Variants in MARCHF1 observed in about 807,000 individuals in gnomAD.
MARCHF1 encodes the protein membrane associated ring-CH-type finger 1.
In MARCHF1, 40 loss-of-function variants were observed where a neutral mutation model predicts 54.2. That is an observed-to-expected ratio of 0.74 (90% CI 0.57 to 0.96). MARCHF1 has a LOEUF of 0.96. MARCHF1 is among the 40% of genes least tolerant of loss of function. MARCHF1 has a pLI of 0.00. For synonymous variants in MARCHF1, 236 were observed against 236.3 expected (o/e 1.00, Z 0.01); for missense variants, 586 against 656.5 (o/e 0.89, Z 1.17).
chr4:163,716,682 C>G lies in MARCHF1; in HGVS notation c.112-15819G>C, dbSNP rs558794068. Among the ~76,000 whole-genome samples, 34 of 152,300 alleles carry G rather than the reference C, an allele frequency of 2.2e-4. No individual in the cohort carries two copies. In the South Asian group the frequency reaches 6.8e-3, roughly 31 times the overall value. On this transcript the variant is annotated intron_variant, in intron 4 of 9. Coordinates refer to ENST00000514618, the MANE Select transcript of MARCHF1 (RefSeq NM_001394959.1). ...GTGCTTCAGGGACCAGTGCCAAAAT[C>G]ACCAGTGGGCAGCTGGCAGGGTTGG...
chr4:163,600,672 C>T (rs1257333691), intron 7 of MARCHF1, among the ~76,000 whole-genome samples: 1 of 151,958 alleles, frequency 6.6e-6, no homozygotes, highest in African/African-American at 2.4e-5. Context: ...TGGTTACACC[C>T]CCAGAGAGTC....
At chr4:164,210,290 T>C (rs780893635) in intron 1 of MARCHF1, among the ~76,000 whole-genome samples, 48 of 152,286 alleles carry the variant, frequency 3.2e-4, no homozygotes, top group Admixed American at 2.3e-3. Flanking sequence ...AAGAACATTT[T>C]AGAGGTAAAA....
intron 4 of MARCHF1, among the ~76,000 whole-genome samples, chr4:163,799,237 C>G (rs1260756441): frequency 6.6e-6 from 1 of 152,086 alleles, no homozygotes; most frequent in Admixed American, 6.6e-5. Context: ...TTCAGTATCA[C>G]AGAGACTAGC....
intron 7 of MARCHF1, among the ~76,000 whole-genome samples, chr4:163,602,602 G>A (rs9993412): frequency 1.4e-3 from 207 of 152,110 alleles, no homozygotes; most frequent in African/African-American, 4.9e-3. Flanking sequence ...GAGAATGGTT[G>A]GTCTTTGTTC....
intron 4 of MARCHF1, among the ~76,000 whole-genome samples, chr4:163,789,249 C>T (rs11100516): frequency 0.79 from 119,902 of 151,926 alleles, 49,413 homozygotes; most frequent in East Asian, 0.94. Context: ...GAAATACAAG[C>T]GACTTAAAGA....
chr4:163,640,554 G>A (rs1217470992), intron 5 of MARCHF1, among the ~76,000 whole-genome samples: 1 of 152,078 alleles, frequency 6.6e-6, no homozygotes, highest in Non-Finnish European at 1.5e-5. Flanking sequence ...TCACTACTAT[G>A]GACCATAGCC....
intron 7 of MARCHF1, among the ~76,000 whole-genome samples, chr4:163,603,001 C>T (rs2320897): frequency 0.29 from 44,636 of 151,696 alleles, 7,393 homozygotes; most frequent in Middle Eastern, 0.38. Flanking sequence ...ATGAGGCTGC[C>T]CCAGGAAATA....
chr4:164,111,957 A>G (rs1250677269), intron 1 of MARCHF1, among the ~76,000 whole-genome samples: 2 of 151,850 alleles, frequency 1.3e-5, no homozygotes, highest in Non-Finnish European at 3.0e-5. Flanking sequence ...GGCATAAGAT[A>G]AGAAGGGTTA....
At chr4:164,311,768 CTT>C (rs1734855902) in intron 1 of MARCHF1, among the ~76,000 whole-genome samples, 1 of 152,136 alleles carries the variant, frequency 6.6e-6, no homozygotes, top group South Asian at 2.1e-4. Flanking sequence ...TCACATAAGA[CTT>C]AATTATTTGC....
intron 4 of MARCHF1, among the ~76,000 whole-genome samples, chr4:163,711,825 T>C (rs957963128): frequency 6.6e-6 from 1 of 152,230 alleles, no homozygotes; most frequent in African/African-American, 2.4e-5. Flanking sequence ...GCAAATTGAC[T>C]ATTAACTCTC....
intron 8 of MARCHF1, among the ~76,000 whole-genome samples, chr4:163,568,710 G>A (rs1358642989): frequency 6.6e-6 from 1 of 152,096 alleles, no homozygotes; most frequent in Non-Finnish European, 1.5e-5. Context: ...CTTGGGAAAG[G>A]AATATTTATC....
chr4:164,326,037 T>C (rs1331820567), intron 1 of MARCHF1, among the ~76,000 whole-genome samples: 1 of 152,206 alleles, frequency 6.6e-6, no homozygotes, highest in East Asian at 1.9e-4. Flanking sequence ...TGAAAACATT[T>C]CTTAATACTA....
chr4:164,327,867 A>G (rs1429992792), intron 1 of MARCHF1, among the ~76,000 whole-genome samples: 1 of 152,244 alleles, frequency 6.6e-6, no homozygotes, highest in East Asian at 1.9e-4. Flanking sequence ...TCTTTAAAAT[A>G]GAAACAAGAA....
intron 9 of MARCHF1, among the ~76,000 whole-genome samples, chr4:163,535,872 C>G (rs778437398): frequency 4.4e-4 from 66 of 151,608 alleles, no homozygotes; most frequent in Middle Eastern, 3.2e-3. Context: ...GTTTTGTTCT[C>G]TGGGGGACAT....
At chr4:163,869,042 T>C (rs1315845232) in intron 3 of MARCHF1, among the ~76,000 whole-genome samples, 1 of 151,810 alleles carries the variant, frequency 6.6e-6, no homozygotes, top group Non-Finnish European at 1.5e-5. Context: ...ATAATACACA[T>C]AAAACGCATA....
chr4:163,873,621 A>G (rs921799001), intron 3 of MARCHF1, among the ~76,000 whole-genome samples: 6 of 152,174 alleles, frequency 3.9e-5, no homozygotes, highest in Admixed American at 3.9e-4. Flanking sequence ...GCTTGGTTAC[A>G]CAATCAAGAA....
chr4:164,310,899 A>T (rs1481445926), intron 1 of MARCHF1, among the ~76,000 whole-genome samples: 1 of 152,174 alleles, frequency 6.6e-6, no homozygotes, highest in Non-Finnish European at 1.5e-5. Flanking sequence ...TTTAGTGATT[A>T]GTGGGTCAAT....
intron 2 of MARCHF1, among the ~76,000 whole-genome samples, chr4:164,015,290 T>G (rs557561759): frequency 1.8e-3 from 279 of 152,170 alleles, no homozygotes; most frequent in African/African-American, 6.6e-3. Context: ...TCTCACCATG[T>G]ATAAAAATCA....
chr4:164,373,466 T>C (rs1209266694), intron 1 of MARCHF1, among the ~76,000 whole-genome samples: 4 of 146,268 alleles, frequency 2.7e-5, no homozygotes, highest in African/African-American at 1.0e-4. Context: ...GTGATTCTCC[T>C]GCCTCAGCCT....
Sources: gnomAD v4.1 joint callset for allele counts (sites outside exome capture counted in the v4.1 genomes callset) on GRCh38, gnomAD v4.1.1 for gene constraint, MANE v1.5 for transcripts, NCBI Gene and HGNC (gene_info 2026-07-23, HGNC 2026-07-21) for gene names.